Variants in CLOCK observed in about 807,000 individuals in gnomAD.
CLOCK encodes clock circadian regulator.
CLOCK carries 43 observed loss-of-function variants against 118.4 expected under a neutral mutation model. The observed-to-expected ratio is 0.36, with a 90% CI of 0.28 to 0.47. CLOCK has a LOEUF of 0.47. CLOCK is among the 20% of genes least tolerant of loss of function. CLOCK has a pLI of 1.00. For missense variants in CLOCK, 846 were observed against 999.9 expected (o/e 0.85, Z 2.08); for synonymous variants, 326 against 339.2 (o/e 0.96, Z 0.43).
At chr4:55,475,122 G>C (rs1486509770) in intron 7 of CLOCK, among the ~76,000 whole-genome samples, 2 of 152,216 alleles carry the variant, frequency 1.3e-5, no homozygotes, top group Non-Finnish European at 2.9e-5. Context: ...TGATTCATGG[G>C]AGAAGGTCAA....
chr4:55,513,194 C>T (rs896793840), intron 1 of CLOCK, among the ~76,000 whole-genome samples: 2 of 152,130 alleles, frequency 1.3e-5, no homozygotes, highest in Admixed American at 1.3e-4. Context: ...ATCTTTTAAA[C>T]TGTATGTTTA....
intron 8 of CLOCK, among the ~76,000 whole-genome samples, chr4:55,464,698 G>A (rs1447856233): frequency 6.6e-6 from 1 of 152,156 alleles, no homozygotes; most frequent in Non-Finnish European, 1.5e-5. Flanking sequence ...TTATGCATCT[G>A]TGAAGATTTT....
chr4:55,512,106 C>T (rs1290559271), intron 1 of CLOCK, among the ~76,000 whole-genome samples: 1 of 151,840 alleles, frequency 6.6e-6, no homozygotes, highest in African/African-American at 2.4e-5. Flanking sequence ...ACTGTCAATT[C>T]TTTGGTTGCT....
chr4:55,502,914 A>G (rs546377307), intron 2 of CLOCK, among the ~76,000 whole-genome samples: 1 of 152,228 alleles, frequency 6.6e-6, no homozygotes, highest in Admixed American at 6.5e-5. Flanking sequence ...AGCCTTTTAA[A>G]TCATCAGGGA....
At chr4:55,524,127 G>A (rs1730019100) in intron 1 of CLOCK, among the ~76,000 whole-genome samples, 1 of 152,078 alleles carries the variant, frequency 6.6e-6, no homozygotes, top group Admixed American at 6.6e-5. Flanking sequence ...AGCAGCTGAT[G>A]TTTGTAATCC....
intron 1 of CLOCK, among the ~76,000 whole-genome samples, chr4:55,534,929 ATTTT>A (rs34133453): frequency 1.5e-5 from 2 of 134,244 alleles, no homozygotes; most frequent in Admixed American, 7.8e-5. Context: ...TAAAGTGAGA[ATTTT>A]TTTTTTTTTT....
intron 1 of CLOCK, among the ~76,000 whole-genome samples, chr4:55,512,256 T>C (rs1317887950): frequency 2.6e-5 from 4 of 152,140 alleles, no homozygotes; most frequent in African/African-American, 4.8e-5. Flanking sequence ...TGGATGTAGT[T>C]AGTATTTTGG....
rs1722667737 is a variant in CLOCK at position 55,433,655 on chromosome 4, TA to T, written c.*1759del. 6.6e-6 allele frequency: 1 copy of T among 152,216 alleles called. No individual in the cohort carries two copies. The highest frequency in any genetic ancestry group is 2.1e-4 in the South Asian group (1 of 4,832). The allele number at this position is 152,216 out of a possible 1,614,324, so 9.4% of individuals were successfully genotyped here. A position where few individuals can be genotyped will look rare whatever the true frequency, so the allele number is the denominator to read the frequency against. On this transcript the variant is annotated 3_prime_UTR_variant, in exon 23 of 23. Transcript: ENST00000513440. ...CCCTTTCCTCAGTAATAACATTTTT[TA>T]TATTCTAATAATGTATTTTCTACTA...
At chr4:55,438,190 T>C (rs1723042429) in intron 22 of CLOCK, 92 bp downstream of exon 22, 1 of 1,473,038 alleles carries the variant, frequency 6.8e-7, no homozygotes, top group African/African-American at 1.4e-5. Context: ...TTGTGAATTT[T>C]TCACATCACT....
chr4:55,514,372 A>C (rs1049388443), intron 1 of CLOCK, among the ~76,000 whole-genome samples: 4 of 152,034 alleles, frequency 2.6e-5, no homozygotes, highest in Non-Finnish European at 5.9e-5. Context: ...AAAAATTATT[A>C]TTTACCACTC....
In CLOCK at chr4:55,476,055, C is replaced by A. The variant is rs1013850462; in HGVS notation, c.257-1G>T. The A allele has an allele frequency of 6.2e-7, 1 of 1,607,916 alleles. No homozygotes were observed. The highest frequency in any genetic ancestry group is 8.5e-7 in the Non-Finnish European group (1 of 1,174,842). ...CTAGCATCTGACTGTGCAGTGATTT[C>A]TGTAAACAGATTGACATATTAGTGG... On this transcript the variant is annotated splice_acceptor_variant, in intron 6 of 22. Transcript: ENST00000513440. LOFTEE classifies it high-confidence loss of function.
chr4:55,480,489 C>T (rs531624409), intron 4 of CLOCK, among the ~76,000 whole-genome samples: 1 of 152,264 alleles, frequency 6.6e-6, no homozygotes, highest in East Asian at 1.9e-4. Flanking sequence ...TGGTCTTGAA[C>T]TCCTGGGCTC....
At chr4:55,494,485 T>A (rs2109963604) in intron 2 of CLOCK, among the ~76,000 whole-genome samples, 1 of 152,190 alleles carries the variant, frequency 6.6e-6, no homozygotes, top group African/African-American at 2.4e-5. Context: ...TAGCTGTGGT[T>A]TGATATATCA....
In CLOCK at chr4:55,435,951, A is replaced by G. The variant is rs113986413; in HGVS notation, c.2362-357T>C. On this transcript the variant is annotated intron_variant, in intron 22 of 22. Transcript: ENST00000513440. ...AGTTATGACTATATGAAAAACAAATACTCTGAGGCCAGACAGACAATGCCT... is the reference window on the plus strand; with the variant it reads ...AGTTATGACTATATGAAAAACAAATGCTCTGAGGCCAGACAGACAATGCCT... Among the ~76,000 whole-genome samples, 629 of 152,268 alleles carry G rather than the reference A, an allele frequency of 4.1e-3. 4 individuals carry two copies. The highest frequency in any genetic ancestry group is 0.015 in the African/African-American group (611 of 41,550).
At position 55,432,653 on chromosome 4, in the gene CLOCK, C is replaced by T. The variant is rs925397734; in HGVS notation, c.*2762G>A. 6.6e-6 allele frequency: 1 copy of T among 151,326 alleles called. No homozygotes were observed. Among genetic ancestry groups the T allele is most frequent in the African/African-American group, 2.4e-5 (1 of 41,212 alleles). The allele number at this position is 151,326 out of a possible 1,614,324, so 9.4% of individuals were successfully genotyped here. ...TGGGGGGCGGGATAGCTTTGCAACCCAAATTTAAGAGAATCAGGAGGAAAA... is the reference window on the plus strand; with the variant it reads ...TGGGGGGCGGGATAGCTTTGCAACCTAAATTTAAGAGAATCAGGAGGAAAA... On this transcript the variant is annotated 3_prime_UTR_variant, in exon 23 of 23. Transcript: ENST00000513440.
At chr4:55,445,414 C>A (rs1723725846) in intron 18 of CLOCK, among the ~76,000 whole-genome samples, 1 of 151,898 alleles carries the variant, frequency 6.6e-6, no homozygotes, top group African/African-American at 2.4e-5. Flanking sequence ...TCTCTATTAT[C>A]CAGTTGCTAT....
intron 21 of CLOCK, among the ~76,000 whole-genome samples, chr4:55,439,647 C>T (rs966693938): frequency 2.0e-5 from 3 of 152,122 alleles, no homozygotes; most frequent in Admixed American, 6.6e-5. Context: ...ATAAGCAAAA[C>T]ATAGTAGAGT....
intron 7 of CLOCK, among the ~76,000 whole-genome samples, chr4:55,472,626 G>T (rs11931061): frequency 5.9e-5 from 9 of 151,944 alleles, no homozygotes; most frequent in Non-Finnish European, 1.2e-4. Context: ...CTAGTGTAGC[G>T]CAAGTAAAAA....
chr4:55,439,216 C>A (rs955420407), intron 21 of CLOCK, among the ~76,000 whole-genome samples: 1 of 152,162 alleles, frequency 6.6e-6, no homozygotes. Context: ...TGAACAAACA[C>A]TTCTCCAAAG....
Sources: allele counts gnomAD v4.1 joint callset (sites outside exome capture counted in the v4.1 genomes callset), GRCh38; gene constraint gnomAD v4.1.1; transcripts MANE v1.5; gene names NCBI Gene and HGNC (gene_info 2026-07-23, HGNC 2026-07-21).